FOXR2: variants seen among roughly 807,000 people sequenced by gnomAD.
FOXR2 encodes the protein forkhead box protein R2.
For missense variants in FOXR2, 234 were observed against 227.1 expected (o/e 1.03, Z -0.20); for synonymous variants, 109 against 84.1 (o/e 1.30, Z -1.62).
In FOXR2 at chrX:55,626,042, C is replaced by T. The variant is rs1005615401; in HGVS notation, c.*1395C>T. Among the ~76,000 whole-genome samples, 3 of 111,318 alleles carry T rather than the reference C, an allele frequency of 2.7e-5. No individual in the cohort carries two copies. The highest frequency in any genetic ancestry group is 5.7e-5 in the Non-Finnish European group (3 of 53,019). On this transcript the variant is annotated 3_prime_UTR_variant, in exon 1 of 1. Transcript: ENST00000339140. ...CACATTTTTATAATGATGTATTATACCTCATACAAAATTGTATATTTAGGT... is the reference window on the plus strand; with the variant it reads ...CACATTTTTATAATGATGTATTATATCTCATACAAAATTGTATATTTAGGT...
Position 55,624,609 on chromosome X carries a change from A to G in FOXR2, c.898A>G (p.Ser300Gly). 1 of 1,208,541 alleles carries G rather than the reference A, an allele frequency of 8.3e-7. No individual in the cohort carries two copies. The highest frequency in any genetic ancestry group is 1.1e-6 in the Non-Finnish European group (1 of 892,840). ...AAGGGAGAGAATCCAAGAGTGCATG[A>G]GTCAGCCAGAGTTGTTGACCTCTCT... ...AQRERIQECM[S>G]QPELLTSLFD... is the part of the protein sequence containing the mutation. Residue 300 changes from serine (S) to glycine (G), a missense_variant, in exon 1 of 1, where the codon AGT becomes GGT. Ser to Gly is a moderately conservative substitution (Grantham distance 56). Transcript: ENST00000339140.
At position 55,624,694 on chromosome X, in the gene FOXR2, C is replaced by T; in HGVS notation, c.*47C>T. The T allele has an allele frequency of 3.0e-6, 3 of 984,371 alleles. No individual in the cohort carries two copies. The highest frequency in any genetic ancestry group is 4.2e-6 in the Non-Finnish European group (3 of 707,302). 81.1% of individuals were successfully genotyped at this position (984,371 alleles called of 1,213,427 possible). On this transcript the variant is annotated 3_prime_UTR_variant, in exon 1 of 1. Transcript: ENST00000339140. ...AACACTGCCTTCCTTACTGTGCCTA[C>T]TTATCCCCTGACATTCATTAATCTC...
rs1274746341 is a variant in FOXR2, at chrX:55,624,884, A to G, written c.*237A>G. On this transcript the variant is annotated 3_prime_UTR_variant, in exon 1 of 1. Transcript: ENST00000339140. ...GTGGCTGTTGTTCCAAATTTTGAGC[A>G]AAGGAAAAGAAATCCTAGAAACAAT... The G allele has an allele frequency of 1.4e-5, 5 of 363,744 alleles. No homozygotes were observed. Among genetic ancestry groups the G allele is most frequent in the Non-Finnish European group, 2.4e-5 (5 of 204,405 alleles). 30.0% of individuals were successfully genotyped at this position (363,744 alleles called of 1,213,427 possible). A position where few individuals can be genotyped will look rare whatever the true frequency, so the allele number is the denominator to read the frequency against.
chrX:55,624,143 G>A lies in FOXR2; in HGVS notation c.432G>A (p.Gln144=), dbSNP rs756849630. ...GTGAGCAGTCTCCTTTACAGAAGCA[G>A]GGTATCCATTCCCCCAGTGACTTTG... The part of the protein sequence containing the change: ...SSSEQSPLQK[Q]GIHSPSDFEL... The change falls in exon 1 of 1, where the codon CAG becomes CAA. Residue 144 remains glutamine, a synonymous_variant. Transcript: ENST00000339140. 1.5e-5 allele frequency: 18 copies of A among 1,212,004 alleles called. No individual in the cohort carries two copies. In the South Asian group the frequency reaches 2.8e-4, roughly 19 times the overall value.
At position 55,625,488 on chromosome X, in the gene FOXR2, C is replaced by A. The variant is rs2032333698; in HGVS notation, c.*841C>A. Among the ~76,000 whole-genome samples the A allele has an allele frequency of 9.0e-6, 1 of 110,996 alleles. No individual in the cohort carries two copies. The highest frequency in any genetic ancestry group is 9.7e-5 in the Admixed American group (1 of 10,356). On this transcript the variant is annotated 3_prime_UTR_variant, in exon 1 of 1. Coordinates refer to ENST00000339140, the MANE Select transcript of FOXR2 (RefSeq NM_198451.4). ...ACATGGAAATGGGGAGACATTCTTC[C>A]TGGGAAAGACATGAAAGGGCATTGG...
Position 55,624,151 on chromosome X carries a change from A to C in FOXR2, c.440A>C (p.His147Pro). Residue 147 changes from histidine (H) to proline (P), a missense_variant, in exon 1 of 1, where the codon CAT (histidine) becomes CCT (proline). Physicochemically the swap from His to Pro is moderately conservative, Grantham distance 77 (BLOSUM62 -2). Transcript: ENST00000339140. ...EQSPLQKQGI[H>P]SPSDFELTEE... is the part of the protein sequence containing the mutation. ...TCTCCTTTACAGAAGCAGGGTATCC[A>C]TTCCCCCAGTGACTTTGAGCTCACA... 1 of 1,211,868 alleles carries C rather than the reference A, an allele frequency of 8.3e-7. No individual in the cohort carries two copies. The highest frequency in any genetic ancestry group is 1.1e-6 in the Non-Finnish European group (1 of 895,493).
At position 55,624,473 on chromosome X, in the gene FOXR2, A is replaced by T. The variant is rs371034151; in HGVS notation, c.762A>T (p.Pro254=). The change falls in exon 1 of 1, where the codon CCA becomes CCT. Residue 254 remains proline (P), a synonymous_variant. Coordinates refer to ENST00000339140, the MANE Select transcript of FOXR2 (RefSeq NM_198451.4). ...LCFLDSFEKV[P]DSLKDEDNAR... The stretch of plus-strand genomic sequence containing the variant: ...TCCTGGACAGCTTTGAGAAGGTGCC[A>T]GACAGCCTTAAGGATGAAGATAATG... 3.4e-5 allele frequency: 41 copies of T among 1,210,603 alleles called. No homozygotes were observed. Among genetic ancestry groups the T allele is most frequent in the Middle Eastern group, 2.3e-4 (1 of 4,374 alleles).
Position 55,625,118 on chromosome X carries a change from A to G in FOXR2, c.*471A>G, listed in dbSNP as rs1445205471. 7.9e-6 allele frequency: 1 copy of G among 126,177 alleles called. No homozygotes were observed. The highest frequency in any genetic ancestry group is 3.2e-5 in the African/African-American group (1 of 30,803). The allele number at this position is 126,177 out of a possible 1,213,427, so 10.4% of individuals were successfully genotyped here. A position where few individuals can be genotyped will look rare whatever the true frequency, so the allele number is the denominator to read the frequency against. On this transcript the variant is annotated 3_prime_UTR_variant, in exon 1 of 1. Coordinates refer to ENST00000339140, the MANE Select transcript of FOXR2 (RefSeq NM_198451.4). Reference sequence around the variant, plus strand: ...TCCCCTTCTACCATTCATCAGCTACATCTCCTTTTTAAGTAACCCATTTTA... The same window carrying G: ...TCCCCTTCTACCATTCATCAGCTACGTCTCCTTTTTAAGTAACCCATTTTA...
At position 55,623,963 on chromosome X, in the gene FOXR2, C is replaced by T; in HGVS notation, c.252C>T (p.Pro84=). 12 of 1,211,461 alleles carry T rather than the reference C, an allele frequency of 9.9e-6. No individual in the cohort carries two copies. The highest frequency in any genetic ancestry group is 1.3e-5 in the Non-Finnish European group (12 of 895,375). Residue 84 remains proline, a synonymous_variant, in exon 1 of 1, where the codon CCC becomes CCT. Coordinates refer to ENST00000339140, the MANE Select transcript of FOXR2 (RefSeq NM_198451.4). ...CEPNLWMWVD[P]NILCPLGSQE... ...CCAATCTGTGGATGTGGGTGGACCC[C>T]AATATCCTGTGCCCCCTTGGCAGCC...
At position 55,625,344 on chromosome X, in the gene FOXR2, T is replaced by G. The variant is rs1246777272; in HGVS notation, c.*697T>G. On this transcript the variant is annotated 3_prime_UTR_variant, in exon 1 of 1. Coordinates refer to ENST00000339140, the MANE Select transcript of FOXR2 (RefSeq NM_198451.4). Reference sequence around the variant, plus strand: ...TCTATTATTTTTAGTTCTCAAGATTTTATTGAGGATATGCTAATGTGTCAA... The same window carrying G: ...TCTATTATTTTTAGTTCTCAAGATTGTATTGAGGATATGCTAATGTGTCAA... 8.3e-6 allele frequency: 1 copy of G among 121,045 alleles called. No homozygotes were observed. The highest frequency in any genetic ancestry group is 3.3e-5 in the African/African-American group (1 of 30,755). 10.0% of individuals were successfully genotyped at this position (121,045 alleles called of 1,213,427 possible). A position where few individuals can be genotyped will look rare whatever the true frequency, so the allele number is the denominator to read the frequency against.
rs2146688536 is a variant in FOXR2 at position 55,625,547 on chromosome X, A to T, written c.*900A>T. On this transcript the variant is annotated 3_prime_UTR_variant, in exon 1 of 1. Transcript: ENST00000339140. ...CATTTTGAGCTAGTTTTGAAGAATA[A>T]ATGGCAAACTGGAGTAGAGGCATTA... Among the ~76,000 whole-genome samples, 1 of 111,671 alleles carries T rather than the reference A, an allele frequency of 9.0e-6. No individual in the cohort carries two copies. Among genetic ancestry groups the T allele is most frequent in the African/African-American group, 3.2e-5 (1 of 30,804 alleles).
Position 55,625,813 on chromosome X carries a change from T to C in FOXR2, c.*1166T>C, listed in dbSNP as rs2032337008. ...ATTTGTTTTTCTAATTTCAAAATTA[T>C]CTTTAACATCTTTTCTATGCAAATA... On this transcript the variant is annotated 3_prime_UTR_variant, in exon 1 of 1. Transcript: ENST00000339140. Among the ~76,000 whole-genome samples the C allele has an allele frequency of 8.9e-6, 1 of 112,034 alleles. No homozygotes were observed. Among genetic ancestry groups the C allele is most frequent in the Non-Finnish European group, 1.9e-5 (1 of 53,217 alleles).
rs373004867 is a variant in FOXR2, at chrX:55,623,892, C to T, written c.181C>T (p.Gln61Ter). The T allele has an allele frequency of 8.3e-7, 1 of 1,211,610 alleles. No individual in the cohort carries two copies. The highest frequency in any genetic ancestry group is 1.1e-6 in the Non-Finnish European group (1 of 895,437). The change falls in exon 1 of 1, where the codon CAG becomes TAG. Residue 61 changes from glutamine (Q) to a stop codon, truncating the protein, a stop_gained. Coordinates refer to ENST00000339140, the MANE Select transcript of FOXR2 (RefSeq NM_198451.4). LOFTEE classifies it low-confidence loss of function (END_TRUNC). Reference protein sequence around the residue: ...VGVMKPPEMPQKRRPSPDGDG... With the variant: ...VGVMKPPEMP ...AGTAATGAAGCCCCCAGAAATGCCT[C>T]AGAAGAGGAGACCCAGTCCTGATGG...
At position 55,624,395 on chromosome X, in the gene FOXR2, T is replaced by C; in HGVS notation, c.684T>C (p.Phe228=). Residue 228 remains phenylalanine (F), a synonymous_variant, in exon 1 of 1, where the codon TTT becomes TTC. Coordinates refer to ENST00000339140, the MANE Select transcript of FOXR2 (RefSeq NM_198451.4). ...IYNFTRQHFP[F]FWTAPDGWKS... is the part of the protein sequence containing the mutation. ...ATTTCACCCGACAGCATTTCCCCTT[T>C]TTCTGGACAGCTCCGGATGGCTGGA... 1.7e-6 allele frequency: 2 copies of C among 1,212,036 alleles called. No individual in the cohort carries two copies. Among genetic ancestry groups the C allele is most frequent in the Non-Finnish European group, 2.2e-6 (2 of 895,532 alleles).
chrX:55,623,877 C>T lies in FOXR2; in HGVS notation c.166C>T (p.Pro56Ser). The change falls in exon 1 of 1, where the codon CCC becomes TCC. Residue 56 changes from proline (P) to serine (S), a missense_variant. Coordinates refer to ENST00000339140, the MANE Select transcript of FOXR2 (RefSeq NM_198451.4). ...CAAATACAGAGTCGGAGTAATGAAG[C>T]CCCCAGAAATGCCTCAGAAGAGGAG... ...LAKYRVGVMK[P>S]PEMPQKRRPS... 8.3e-7 allele frequency: 1 copy of T among 1,211,237 alleles called. No individual in the cohort carries two copies. Among genetic ancestry groups the T allele is most frequent in the East Asian group, 3.0e-5 (1 of 33,813 alleles).
chrX:55,624,539 G>T lies in FOXR2; in HGVS notation c.828G>T (p.Gly276=), dbSNP rs760150518. Residue 276 remains glycine (G), a synonymous_variant, in exon 1 of 1, where the codon GGG becomes GGT. Coordinates refer to ENST00000339140, the MANE Select transcript of FOXR2 (RefSeq NM_198451.4). Reference sequence around the variant, plus strand: ...GCCTTTGGAAGCTCACTAAGGAGGGGCACCGCCGCTTTTGGGAGGAGACTC... The same window carrying T: ...GCCTTTGGAAGCTCACTAAGGAGGGTCACCGCCGCTTTTGGGAGGAGACTC... ...RSCLWKLTKE[G]HRRFWEETRV... The T allele has an allele frequency of 1.6e-5, 19 of 1,209,615 alleles. No homozygotes were observed. The Middle Eastern group carries it at 1.1e-3, about 73-fold the overall frequency.
Position 55,624,107 on chromosome X carries a change from A to G in FOXR2, c.396A>G (p.Pro132=), listed in dbSNP as rs140143715. Residue 132 remains proline, a synonymous_variant, in exon 1 of 1, where the codon CCA becomes CCG. Transcript: ENST00000339140. ...AGGACAAAGTGGTAGAGTCTCTGCC[A>G]TCTTCCTCCAGTGAGCAGTCTCCTT... The part of the protein sequence containing the change: ...CSEDKVVESL[P]SSSSEQSPLQ... 2.5e-6 allele frequency: 3 copies of G among 1,212,000 alleles called. No homozygotes were observed. Among genetic ancestry groups the G allele is most frequent in the African/African-American group, 1.7e-5 (1 of 57,908 alleles).
rs191026427 is a variant in FOXR2 at position 55,625,564 on chromosome X, G to C, written c.*917G>C. On this transcript the variant is annotated 3_prime_UTR_variant, in exon 1 of 1. Transcript: ENST00000339140. ...GAAGAATAAATGGCAAACTGGAGTA[G>C]AGGCATTACAGAGACAACAATGTGA... 2.7e-5 allele frequency among the ~76,000 whole-genome samples: 3 copies of C among 111,566 alleles called. No individual in the cohort carries two copies. In the East Asian group the frequency reaches 8.5e-4, roughly 32 times the overall value.
At position 55,625,371 on chromosome X, in the gene FOXR2, G is replaced by A. The variant is rs147042315; in HGVS notation, c.*724G>A. The A allele has an allele frequency of 6.9e-3, 815 of 118,355 alleles. 16 individuals carry two copies. Among genetic ancestry groups the A allele is most frequent in the East Asian group, 0.056 (198 of 3,564 alleles). 9.8% of individuals were successfully genotyped at this position (118,355 alleles called of 1,213,427 possible). A position where few individuals can be genotyped will look rare whatever the true frequency, so the allele number is the denominator to read the frequency against. ...ATTGAGGATATGCTAATGTGTCAAG[G>A]TCCATCTTAGATGCTGAGGATAAAA... is the stretch of plus-strand genomic sequence containing the variant. On this transcript the variant is annotated 3_prime_UTR_variant, in exon 1 of 1. Coordinates refer to ENST00000339140, the MANE Select transcript of FOXR2 (RefSeq NM_198451.4).
Sources: gnomAD v4.1 joint callset for allele counts (sites outside exome capture counted in the v4.1 genomes callset) on GRCh38, gnomAD v4.1.1 for gene constraint, MANE v1.5 for transcripts, NCBI Gene and HGNC (gene_info 2026-07-23, HGNC 2026-07-21) for gene names.